Variants in TMC5 observed in about 807,000 individuals in gnomAD.
The protein encoded by TMC5 is transmembrane channel-like protein 5.
A neutral mutation model predicts 110.5 loss-of-function variants in TMC5; 86 were observed. The ratio of observed to expected loss-of-function variants is 0.78; its 90% confidence interval spans 0.65 to 0.93. The LOEUF (loss-of-function observed/expected upper bound fraction) is 0.93. Among genes scored for constraint, TMC5 ranks in the 40% least tolerant of loss-of-function variants. The pLI is 0.00. For missense variants in TMC5, 1,144 were observed against 1,222.8 expected, an observed-to-expected ratio of 0.94 and a Z score of 0.96; for synonymous variants, 455 against 439.5, an observed-to-expected ratio of 1.04 and a Z score of -0.44.
intron 4 of TMC5, among the ~76,000 whole-genome samples, chr16:19,446,874 G>T (rs979208511): frequency 6.6e-6 from 1 of 152,180 alleles, no homozygotes. Flanking sequence ...GCAATCACTT[G>T]TCCAGTGTCA....
At chr16:19,446,116 AAGGAAGGAAGGAAGGG>A (rs1967610212) in intron 4 of TMC5, among the ~76,000 whole-genome samples, 1 of 148,500 alleles carries the variant, frequency 6.7e-6, no homozygotes, top group Non-Finnish European at 1.5e-5. Context: ...GGAGAGAGGG[AAGGAAGGAAGGAAGGG>A]AGGAAGGAAG....
At chr16:19,474,620 A>G (rs1021628513) in intron 12 of TMC5, 6 of 242,672 alleles carry the variant, frequency 2.5e-5, no homozygotes, top group African/African-American at 9.1e-5. Context: ...GAGCTTACCT[A>G]TGATTGCACC....
intron 1 of TMC5, among the ~76,000 whole-genome samples, chr16:19,429,590 C>G (rs1171236248): frequency 6.6e-6 from 1 of 152,202 alleles, no homozygotes; most frequent in African/African-American, 2.4e-5. Flanking sequence ...AACCACTCGT[C>G]CATGTGTGGG....
rs750838547 is a variant in TMC5, at chr16:19,436,273, G to GAAAAAAAAAAAAAAAAAA, written c.-79-3676_-79-3675insAAAAAAAAAAAAAAAAAA. On this transcript the variant is annotated intron_variant, in intron 2 of 21. Coordinates refer to ENST00000542583, the MANE Select transcript of TMC5 (RefSeq NM_001261841.2). ...AAAGAGCAAAAGTTCGTCTCAAAAA[G>GAAAAAAAAAAAAAAAAAA]AAAAAAAAAAAGAAAGGAAAAAGAA... 1.9e-3 allele frequency among the ~76,000 whole-genome samples: 200 copies of GAAAAAAAAAAAAAAAAAA among 107,452 alleles called. 1 individual carries two copies. Among genetic ancestry groups the GAAAAAAAAAAAAAAAAAA allele is most frequent in the Middle Eastern group, 0.016 (3 of 188 alleles). 70.5% of individuals were successfully genotyped at this position (107,452 alleles called of 152,430 possible).
chr16:19,435,990 G>A (rs143852284), intron 2 of TMC5, among the ~76,000 whole-genome samples: 39 of 152,158 alleles, frequency 2.6e-4, no homozygotes, highest in African/African-American at 8.7e-4. Flanking sequence ...GGCCAGGCAC[G>A]GTGGCTCACG....
At chr16:19,450,840 AATT>A (rs1967731952) in intron 5 of TMC5, among the ~76,000 whole-genome samples, 1 of 152,208 alleles carries the variant, frequency 6.6e-6, no homozygotes, top group African/African-American at 2.4e-5. Context: ...ATATTCATAT[AATT>A]ATTATGATAA....
upstream of TMC5, among the ~76,000 whole-genome samples, chr16:19,413,916 A>G (rs1217463430): frequency 6.6e-6 from 1 of 152,254 alleles, no homozygotes; most frequent in African/African-American, 2.4e-5. Context: ...TGATTCTAGT[A>G]GTACCTAACT....
At chr16:19,428,132 G>T (rs576971206) in intron 1 of TMC5, among the ~76,000 whole-genome samples, 1 of 152,266 alleles carries the variant, frequency 6.6e-6, no homozygotes, top group Admixed American at 6.5e-5. Context: ...TGGTAAAAGA[G>T]GAGGAATCTT....
At chr16:19,487,663 T>C (rs905755751) in intron 17 of TMC5, among the ~76,000 whole-genome samples, 33 of 151,444 alleles carry the variant, frequency 2.2e-4, no homozygotes, top group African/African-American at 7.0e-4. Context: ...GATTGCACCA[T>C]TGCGCTCCAG....
chr16:19,428,265 A>AT (rs1341845136), intron 1 of TMC5, among the ~76,000 whole-genome samples: 1 of 151,524 alleles, frequency 6.6e-6, no homozygotes, highest in Non-Finnish European at 1.5e-5. Context: ...GTGAAGATTA[A>AT]TTGGTGACAT....
chr16:19,448,350 C>T (rs112049575), intron 4 of TMC5, among the ~76,000 whole-genome samples: 10,664 of 151,662 alleles, frequency 0.07, 764 homozygotes, highest in African/African-American at 0.19. Context: ...CTCCATGACT[C>T]AAGCCTGTAA....
chr16:19,489,069 T>C (rs925878232), intron 17 of TMC5, among the ~76,000 whole-genome samples: 32 of 152,322 alleles, frequency 2.1e-4, no homozygotes, highest in Non-Finnish European at 4.0e-4. Flanking sequence ...TTGCTCCTCT[T>C]GGCATATCCA....
intron 4 of TMC5, 120 bp downstream of exon 4, chr16:19,444,370 G>T: frequency 1.1e-6 from 1 of 890,422 alleles, no homozygotes. Flanking sequence ...CAATCTCAGA[G>T]ACCCTTGTTT....
intron 11 of TMC5, 121 bp downstream of exon 11, chr16:19,472,364 G>A: frequency 1.8e-6 from 2 of 1,132,970 alleles, no homozygotes; most frequent in Non-Finnish European, 2.5e-6. Flanking sequence ...ATCAGCACTA[G>A]CAGAGAACTT....
At chr16:19,441,398 C>T (rs578077158) in intron 3 of TMC5, among the ~76,000 whole-genome samples, 1 of 151,928 alleles carries the variant, frequency 6.6e-6, no homozygotes, top group South Asian at 2.1e-4. Context: ...TAGCTCACCA[C>T]AGCCTCAACC....
At chr16:19,421,587 C>T (rs749105726) in intron 1 of TMC5, among the ~76,000 whole-genome samples, 18 of 152,138 alleles carry the variant, frequency 1.2e-4, no homozygotes, top group Non-Finnish European at 2.1e-4. Context: ...TGAAAATGGA[C>T]GATACACTTG....
At chr16:19,475,635 C>A (rs1968469053) in intron 12 of TMC5, among the ~76,000 whole-genome samples, 1 of 152,060 alleles carries the variant, frequency 6.6e-6, no homozygotes, top group Admixed American at 6.6e-5. Flanking sequence ...ACCTCTGGAC[C>A]TTTGCATGGG....
intron 14 of TMC5, 30 bp downstream of exon 14, chr16:19,479,558 G>T: frequency 1.3e-5 from 19 of 1,491,728 alleles, no homozygotes; most frequent in Non-Finnish European, 1.6e-5. Flanking sequence ...AAGTAATTAG[G>T]GCCTGATGCT....
Position 19,463,292 on chromosome 16 carries a change from C to T in TMC5, c.1161C>T (p.Asp387=). 1 of 1,613,458 alleles carries T rather than the reference C, an allele frequency of 6.2e-7. No individual in the cohort carries two copies. Among genetic ancestry groups the T allele is most frequent in the Non-Finnish European group, 8.5e-7 (1 of 1,179,548 alleles). ...CTGTTCCCTACAGGAAAATAGTTGACAAAGAAAAAAGCAAACAGACCCATC... is the reference window on the plus strand; with the variant it reads ...CTGTTCCCTACAGGAAAATAGTTGATAAAGAAAAAAGCAAACAGACCCATC... ...EEKRNLRKIV[D]KEKSKQTHRI... is the part of the protein sequence containing the mutation. Residue 387 remains aspartate (D), a synonymous_variant, in exon 7 of 22, where the codon GAC becomes GAT. Coordinates refer to ENST00000542583, the MANE Select transcript of TMC5 (RefSeq NM_001261841.2).
Sources: allele counts gnomAD v4.1 joint callset (sites outside exome capture counted in the v4.1 genomes callset), GRCh38; gene constraint gnomAD v4.1.1; transcripts MANE v1.5; gene names NCBI Gene and HGNC (gene_info 2026-07-23, HGNC 2026-07-21).